Variants in PAPPA observed in about 807,000 individuals in gnomAD.
PAPPA encodes the protein pappalysin-1.
Under a neutral mutation model 164.0 loss-of-function variants are expected in PAPPA, and 60 were observed. That is an observed-to-expected ratio of 0.37 (90% CI 0.30 to 0.45). PAPPA has a LOEUF of 0.45. Among genes scored for constraint, PAPPA ranks in the 20% least tolerant of loss-of-function variants. PAPPA has a pLI of 1.00. For missense variants in PAPPA, 1,782 were observed against 2,087.3 expected (o/e 0.85, Z 2.85); for synonymous variants, 875 against 814.1 (o/e 1.07, Z -1.27).
At chr9:116,253,007 A>G (rs1844877777) in intron 7 of PAPPA, among the ~76,000 whole-genome samples, 2 of 152,230 alleles carry the variant, frequency 1.3e-5, no homozygotes, top group African/African-American at 4.8e-5. Context: ...AGGCACAGAG[A>G]TACAGCAAGG....
At position 116,314,614 on chromosome 9, in the gene PAPPA, C is replaced by A. The variant is rs1845764028; in HGVS notation, c.3147+11664C>A. Among the ~76,000 whole-genome samples, 4 of 152,178 alleles carry A rather than the reference C, an allele frequency of 2.6e-5. No individual in the cohort carries two copies. The South Asian group carries it at 8.3e-4, about 32-fold the overall frequency. ...AAAAGTCTTAGCAGACAAGGCCATG[C>A]ACAATCTCTACCTTTGCTTTACAGA... On this transcript the variant is annotated intron_variant, in intron 10 of 21. Transcript: ENST00000328252.
chr9:116,343,450 T>C (rs917437885), intron 13 of PAPPA, among the ~76,000 whole-genome samples: 2 of 152,210 alleles, frequency 1.3e-5, no homozygotes, highest in Non-Finnish European at 2.9e-5. Flanking sequence ...AAGCTTCCTA[T>C]GGAAATTTGC....
chr9:116,265,841 T>C lies in PAPPA; in HGVS notation c.2733-16T>C. On this transcript the variant is annotated splice_polypyrimidine_tract_variant and intron_variant, in intron 7 of 21. Transcript: ENST00000328252. ...GTATTGTAATTGTATAATTATGTCT[T>C]CTTTGTATTTTCCAGGGATCTAAAT... The C allele has an allele frequency of 1.3e-6, 2 of 1,583,704 alleles. No individual in the cohort carries two copies. Among genetic ancestry groups the C allele is most frequent in the Non-Finnish European group, 1.7e-6 (2 of 1,155,882 alleles).
At chr9:116,204,507 T>C (rs148237997) in intron 2 of PAPPA, among the ~76,000 whole-genome samples, 36 of 152,278 alleles carry the variant, frequency 2.4e-4, no homozygotes, top group Non-Finnish European at 4.4e-4. Flanking sequence ...CTTGAACTCC[T>C]GGGCCCAAGC....
intron 4 of PAPPA, 54 bp from the exon 5 acceptor site, chr9:116,219,883 T>C (rs1377565291): frequency 1.4e-6 from 2 of 1,472,966 alleles, no homozygotes; most frequent in African/African-American, 1.4e-5. Flanking sequence ...TACTCTCTCA[T>C]ATGCCTGCCT....
intron 10 of PAPPA, among the ~76,000 whole-genome samples, chr9:116,330,906 C>T (rs894649367): frequency 6.6e-5 from 10 of 152,178 alleles, no homozygotes; most frequent in African/African-American, 2.4e-4. Context: ...CTGAGCCTTG[C>T]TTCTGTTCCC....
chr9:116,195,350 AAAG>A (rs145903960), intron 2 of PAPPA, among the ~76,000 whole-genome samples: 67,458 of 151,826 alleles, frequency 0.44, 17,051 homozygotes, highest in Non-Finnish European at 0.58. Context: ...AACTGAATTA[AAAG>A]AAGAACTGTT....
In PAPPA at chr9:116,262,368, G is replaced by T. The variant is rs533050605; in HGVS notation, c.2733-3489G>T. 2.6e-5 allele frequency among the ~76,000 whole-genome samples: 4 copies of T among 152,206 alleles called. No homozygotes were observed. The South Asian group carries it at 8.3e-4, about 32-fold the overall frequency. On this transcript the variant is annotated intron_variant, in intron 7 of 21. Coordinates refer to ENST00000328252, the MANE Select transcript of PAPPA (RefSeq NM_002581.5). ...GTTTAAAAAGAAAAAACTTAAAATG[G>T]CATTCAGAATTTGATGTGAGAAATC... is the stretch of plus-strand genomic sequence containing the variant.
At chr9:116,394,868 G>A (rs1347838779) in intron 21 of PAPPA, among the ~76,000 whole-genome samples, 3 of 152,094 alleles carry the variant, frequency 2.0e-5, no homozygotes, top group African/African-American at 4.8e-5. Context: ...AGAGAGAGAT[G>A]GATCAATGAA....
intron 10 of PAPPA, among the ~76,000 whole-genome samples, chr9:116,325,067 AG>A (rs1197083076): frequency 1.9e-4 from 29 of 152,308 alleles, no homozygotes; most frequent in Admixed American, 1.8e-3. Context: ...AGAAGCAAAA[AG>A]ACTGGTCGTT....
intron 2 of PAPPA, among the ~76,000 whole-genome samples, chr9:116,192,941 G>C (rs1306446250): frequency 2.0e-5 from 3 of 152,056 alleles, no homozygotes; most frequent in Non-Finnish European, 4.4e-5. Flanking sequence ...AACCAACCAA[G>C]TTCCTGTTTG....
Position 116,347,309 on chromosome 9 carries a change from G to A in PAPPA, c.3964+100G>A. 1 of 1,038,574 alleles carries A rather than the reference G, an allele frequency of 9.6e-7. No individual in the cohort carries two copies. The highest frequency in any genetic ancestry group is 1.7e-5 in the South Asian group (1 of 59,824). 64.3% of individuals were successfully genotyped at this position (1,038,574 alleles called of 1,614,324 possible). On this transcript the variant is annotated intron_variant, in intron 15 of 21. Coordinates refer to ENST00000328252, the MANE Select transcript of PAPPA (RefSeq NM_002581.5). This position sits in a 1 kb window ranked among gnomAD's most constrained non-coding sequence, Gnocchi z 4.5. The stretch of plus-strand genomic sequence containing the variant: ...TCTGGGTCTCAAACACCAAGGGTGG[G>A]ATGGGTTTTATCTATGCTCCTGACT...
intron 9 of PAPPA, among the ~76,000 whole-genome samples, chr9:116,272,804 T>C (rs897506895): frequency 3.9e-5 from 6 of 152,172 alleles, no homozygotes; most frequent in Admixed American, 1.3e-4. Flanking sequence ...TGGATTAAAA[T>C]TAGGAAAACC....
At position 116,362,727 on chromosome 9, in the gene PAPPA, G is replaced by A. The variant is rs772866115; in HGVS notation, c.4483G>A (p.Gly1495Ser). The change falls in exon 18 of 22, where the codon GGC becomes AGC. Residue 1495 changes from glycine to serine, a missense_variant. Coordinates refer to ENST00000328252, the MANE Select transcript of PAPPA (RefSeq NM_002581.5). The stretch of plus-strand genomic sequence containing the variant: ...CAACCTCAAACTGCAGTGCCCTGAT[G>A]GCTATGCCATAGGTATGATGGGCCC... ...NSNLKLQCPDGYAIGSECATS... is the reference protein window; with the variant it reads ...NSNLKLQCPDSYAIGSECATS... 11 of 1,613,508 alleles carry A rather than the reference G, an allele frequency of 6.8e-6. No homozygotes were observed. Among genetic ancestry groups the A allele is most frequent in the East Asian group, 4.5e-5 (2 of 44,864 alleles).
At chr9:116,321,116 C>A (rs1845849918) in intron 10 of PAPPA, among the ~76,000 whole-genome samples, 1 of 152,068 alleles carries the variant, frequency 6.6e-6, no homozygotes, top group South Asian at 2.1e-4. Context: ...CAGGCTCCAC[C>A]TCCTGGATTC....
chr9:116,379,851 TTGTC>T (rs1846704504), intron 20 of PAPPA, among the ~76,000 whole-genome samples: 1 of 152,136 alleles, frequency 6.6e-6, no homozygotes, highest in Non-Finnish European at 1.5e-5. Context: ...GATGGTTTGT[TTGTC>T]TGAATGCGTT....
At position 116,242,803 on chromosome 9, in the gene PAPPA, G is replaced by A. The variant is rs564477625; in HGVS notation, c.2732+7166G>A. 7.6e-4 allele frequency among the ~76,000 whole-genome samples: 116 copies of A among 152,296 alleles called. 1 individual carries two copies. Among genetic ancestry groups the A allele is most frequent in the Non-Finnish European group, 5.3e-4 (36 of 68,016 alleles). ...CCACTAGCAGTGTGTGCCAAGACCT[G>A]CTATTTTGTATCATGACTGCTTATT... On this transcript the variant is annotated intron_variant, in intron 7 of 21. Transcript: ENST00000328252.
intron 10 of PAPPA, among the ~76,000 whole-genome samples, chr9:116,325,336 G>A (rs940242830): frequency 6.6e-6 from 1 of 152,100 alleles, no homozygotes; most frequent in African/African-American, 2.4e-5. Context: ...ACCCTTGGTG[G>A]ATATTATGAC....
chr9:116,155,453 T>G (rs1843590886), intron 1 of PAPPA, among the ~76,000 whole-genome samples: 1 of 152,156 alleles, frequency 6.6e-6, no homozygotes, highest in Non-Finnish European at 1.5e-5. Context: ...GGAAATGCCT[T>G]TAATAAAACT....
Sources: gnomAD v4.1 joint callset for allele counts (sites outside exome capture counted in the v4.1 genomes callset) on GRCh38, gnomAD v4.1.1 for gene constraint, Gnocchi (gnomAD v3.1) non-coding constraint, MANE v1.5 for transcripts, NCBI Gene and HGNC (gene_info 2026-07-23, HGNC 2026-07-21) for gene names.